The following FMNL2 variants were observed in gnomAD, a reference collection of about 807,000 sequenced individuals.
FMNL2 encodes formin like 2, also known as formin-like protein 2.
In FMNL2, 51 loss-of-function variants were observed where a neutral mutation model predicts 130.2. The ratio of observed to expected loss-of-function variants is 0.39; its 90% CI spans 0.31 to 0.49. The LOEUF (loss-of-function observed/expected upper bound fraction) is 0.49, where lower values mean the gene tolerates loss of function less well. Among genes scored for constraint, FMNL2 ranks in the 20% least tolerant of loss-of-function variants. FMNL2 has a pLI of 0.85. For synonymous variants in FMNL2, 465 were observed against 467.1 expected (o/e 1.00, Z 0.06); for missense variants, 977 against 1,316.2 (o/e 0.74, Z 3.99).
chr2:152,595,264 TA>T (rs990512729), intron 9 of FMNL2, among the ~76,000 whole-genome samples: 4 of 152,362 alleles, frequency 2.6e-5, no homozygotes, highest in African/African-American at 9.6e-5. Flanking sequence ...AGCACATTGG[TA>T]AAAGATAATG....
At chr2:152,500,209 A>G (rs1210825926) in intron 1 of FMNL2, among the ~76,000 whole-genome samples, 2 of 152,138 alleles carry the variant, frequency 1.3e-5, no homozygotes, top group Non-Finnish European at 2.9e-5. Flanking sequence ...GAATCATTGG[A>G]TATTTCTGCC....
chr2:152,489,019 C>T (rs1396119783), intron 1 of FMNL2, among the ~76,000 whole-genome samples: 1 of 152,146 alleles, frequency 6.6e-6, no homozygotes, highest in Non-Finnish European at 1.5e-5. Context: ...TGCAGTGAGC[C>T]ACGATGGTAC....
intron 1 of FMNL2, among the ~76,000 whole-genome samples, chr2:152,451,972 C>T (rs565997873): frequency 9.2e-5 from 14 of 152,250 alleles, no homozygotes; most frequent in Admixed American, 2.6e-4. Flanking sequence ...AACCCAGGCC[C>T]GTGGGCTCCC....
chr2:152,540,369 C>G (rs921887311), intron 2 of FMNL2, among the ~76,000 whole-genome samples: 1 of 151,960 alleles, frequency 6.6e-6, no homozygotes, highest in Non-Finnish European at 1.5e-5. Context: ...AGTGATGGCA[C>G]TAGAGATGTT....
intron 6 of FMNL2, 33 bp from the exon 7 acceptor site, chr2:152,575,100 CTGT>C (rs750731843): frequency 3.1e-5 from 40 of 1,297,098 alleles, no homozygotes; most frequent in Non-Finnish European, 1.1e-5. Flanking sequence ...AGAAAGTAAC[CTGT>C]TGTTTTATAG....
At chr2:152,437,657 T>A (rs1471086652) in intron 1 of FMNL2, among the ~76,000 whole-genome samples, 4 of 152,164 alleles carry the variant, frequency 2.6e-5, no homozygotes, top group African/African-American at 9.7e-5. Flanking sequence ...GTCTATCGGT[T>A]TGTGTGAAAC....
intron 4 of FMNL2, among the ~76,000 whole-genome samples, chr2:152,553,647 T>G (rs1695053707): frequency 6.6e-6 from 1 of 151,692 alleles, no homozygotes. Context: ...TTTATAATAT[T>G]AGAAATTAAA....
At chr2:152,509,821 A>G (rs573390153) in intron 1 of FMNL2, among the ~76,000 whole-genome samples, 10 of 128,644 alleles carry the variant, frequency 7.8e-5, no homozygotes, top group Middle Eastern at 5.5e-3. Flanking sequence ...TCATGGGTCA[A>G]TGCAGCCTCG....
At chr2:152,348,009 C>T (rs1163194406) in intron 1 of FMNL2, among the ~76,000 whole-genome samples, 6 of 151,866 alleles carry the variant, frequency 4.0e-5, no homozygotes, top group African/African-American at 7.3e-5. Context: ...TTTTTTCCCC[C>T]GGTGATTCCC....
At chr2:152,578,096 A>T (rs1696575600) in intron 7 of FMNL2, among the ~76,000 whole-genome samples, 1 of 152,168 alleles carries the variant, frequency 6.6e-6, no homozygotes, top group Admixed American at 6.5e-5. Context: ...GGTTGGCCTT[A>T]GTTTGGAGCA....
At chr2:152,499,369 C>G (rs1432837168) in intron 1 of FMNL2, among the ~76,000 whole-genome samples, 1 of 152,200 alleles carries the variant, frequency 6.6e-6, no homozygotes, top group Non-Finnish European at 1.5e-5. Context: ...CCTGGCTTCC[C>G]TCTCTCTGCA....
chr2:152,646,299 G>T (rs727603), intron 25 of FMNL2, among the ~76,000 whole-genome samples: 8 of 152,036 alleles, frequency 5.3e-5, no homozygotes, highest in African/African-American at 1.4e-4. Context: ...CACTACACTC[G>T]AGCCTCAGTG....
intron 8 of FMNL2, 57 bp from the exon 9 acceptor site, chr2:152,580,899 G>C (rs1002077410): frequency 6.7e-7 from 1 of 1,484,110 alleles, no homozygotes; most frequent in African/African-American, 1.4e-5. Context: ...GGAAGAAACA[G>C]CTGACTCATC....
intron 9 of FMNL2, among the ~76,000 whole-genome samples, chr2:152,592,123 C>T (rs1697476918): frequency 6.6e-6 from 1 of 152,072 alleles, no homozygotes; most frequent in African/African-American, 2.4e-5. Context: ...AAAGATAACT[C>T]ATGATTTCCG....
chr2:152,588,580 G>A (rs1234293645), intron 9 of FMNL2, among the ~76,000 whole-genome samples: 1 of 152,100 alleles, frequency 6.6e-6, no homozygotes, highest in African/African-American at 2.4e-5. Flanking sequence ...CATCCTGGCG[G>A]GTAGGAGGAA....
intron 2 of FMNL2, among the ~76,000 whole-genome samples, chr2:152,533,590 A>T (rs1579901338): frequency 1.2e-5 from 1 of 83,836 alleles, no homozygotes. Context: ...TGGCTATTCT[A>T]GTTCCTTTGC....
intron 1 of FMNL2, among the ~76,000 whole-genome samples, chr2:152,495,313 T>C (rs1311651301): frequency 2.6e-5 from 4 of 152,114 alleles, no homozygotes; most frequent in African/African-American, 9.7e-5. Context: ...GTTCCTATTC[T>C]ACGTAGATCA....
At chr2:152,410,324 G>C (rs1686213546) in intron 1 of FMNL2, among the ~76,000 whole-genome samples, 1 of 152,172 alleles carries the variant, frequency 6.6e-6, no homozygotes, top group South Asian at 2.1e-4. Flanking sequence ...TTCTCATTTA[G>C]CCAGTGAAAT....
intron 1 of FMNL2, among the ~76,000 whole-genome samples, chr2:152,476,759 G>T (rs1690172457): frequency 6.6e-6 from 1 of 151,810 alleles, no homozygotes; most frequent in Non-Finnish European, 1.5e-5. Flanking sequence ...CCCCCATAGT[G>T]GGCGGAACAC....
Sources: gnomAD v4.1 joint callset for allele counts (sites outside exome capture counted in the v4.1 genomes callset) on GRCh38, gnomAD v4.1.1 for gene constraint, MANE v1.5 for transcripts, NCBI Gene and HGNC (gene_info 2026-07-23, HGNC 2026-07-21) for gene names.